The following CALN1 variants were observed in gnomAD, a reference collection of about 807,000 sequenced individuals.
CALN1 encodes calcium-binding protein 8.
A neutral mutation model predicts 30.6 loss-of-function variants in CALN1; 17 were observed. The observed-to-expected ratio is 0.56, with a 90% CI of 0.38 to 0.83. The LOEUF (loss-of-function observed/expected upper bound fraction) is 0.83. Ranked by LOEUF, CALN1 falls within the 40% of genes least tolerant of loss-of-function variation. The probability of loss-of-function intolerance (pLI) is 0.00; values close to 1 mark genes in which losing one functional copy is unlikely to be tolerated. For missense variants in CALN1, 291 were observed against 354.9 expected, an observed-to-expected ratio of 0.82 and a Z score of 1.45; for synonymous variants, 156 against 131.4, an observed-to-expected ratio of 1.19 and a Z score of -1.28.
chr7:72,302,826 C>T (rs747659486), intron 2 of CALN1, among the ~76,000 whole-genome samples: 9 of 127,966 alleles, frequency 7.0e-5, no homozygotes, highest in Non-Finnish European at 9.4e-5. Flanking sequence ...GCCCAGGAGG[C>T]GGCGGATGTT....
chr7:71,851,342 C>T (rs560026415), intron 5 of CALN1, among the ~76,000 whole-genome samples: 4 of 141,606 alleles, frequency 2.8e-5, no homozygotes, highest in African/African-American at 7.7e-5. Context: ...ATGCCAAAAC[C>T]CCATCTCTAC....
Position 72,271,575 on chromosome 7 carries a change from A to AAAAAATATATATATAT in CALN1, c.244+7110_244+7111insATATATATATATTTTT. On this transcript the variant is annotated intron_variant, in intron 3 of 6. Coordinates refer to ENST00000395275, the MANE Select transcript of CALN1 (RefSeq NM_031468.4). ...CTGTGCCTGCCTTTTAAAAAAAAAA[A>AAAAAATATATATATAT]ATATATATATATATATATAGTTTTC... Among the ~76,000 whole-genome samples, 351 of 52,084 alleles carry AAAAAATATATATATAT rather than the reference A, an allele frequency of 6.7e-3. 28 individuals carry two copies. Among genetic ancestry groups the AAAAAATATATATATAT allele is most frequent in the African/African-American group, 0.038 (281 of 7,424 alleles). 34.2% of individuals were successfully genotyped at this position (52,084 alleles called of 152,430 possible). A position where few individuals can be genotyped will look rare whatever the true frequency, so the allele number is the denominator to read the frequency against.
At chr7:72,240,125 G>A (rs186965078) in intron 3 of CALN1, among the ~76,000 whole-genome samples, 65 of 152,160 alleles carry the variant, frequency 4.3e-4, no homozygotes, top group African/African-American at 1.5e-3. Flanking sequence ...CAGGAGTGTG[G>A]GGGCTACTTT....
chr7:72,080,301 T>G (rs1428748765), intron 4 of CALN1, among the ~76,000 whole-genome samples: 2 of 152,168 alleles, frequency 1.3e-5, no homozygotes, highest in Admixed American at 6.5e-5. Context: ...TTTGGGGAAG[T>G]GGATTTGGCA....
At position 72,386,137 on chromosome 7, in the gene CALN1, G is replaced by A. The variant is rs1383244926; in HGVS notation, c.119+17114C>T. Among the ~76,000 whole-genome samples the A allele has an allele frequency of 7.2e-5, 11 of 152,204 alleles. 1 individual carries two copies. In the South Asian group the frequency reaches 1.4e-3, roughly 20 times the overall value. ...GAGCAGAGGCATTTTTCAGGGCAGTGAAACTATTTTGTATGGAACTGTAAT... is the reference window on the plus strand; with the variant it reads ...GAGCAGAGGCATTTTTCAGGGCAGTAAAACTATTTTGTATGGAACTGTAAT... On this transcript the variant is annotated intron_variant, in intron 2 of 6. Coordinates refer to ENST00000395275, the MANE Select transcript of CALN1 (RefSeq NM_031468.4).
Position 71,972,015 on chromosome 7 carries a change from GA to G in CALN1, c.501+51641del, listed in dbSNP as rs1254925029. Among the ~76,000 whole-genome samples, 418 of 136,562 alleles carry G rather than the reference GA, an allele frequency of 3.1e-3. 2 individuals are homozygous for G. Among genetic ancestry groups the G allele is most frequent in the African/African-American group, 0.011 (408 of 37,086 alleles). The allele number at this position is 136,562 out of a possible 152,430, so 89.6% of individuals were successfully genotyped here. ...AAAGAGAAAGAAAGAAAAAAAGAAA[GA>G]AAAGAAAGAAAGAAAGAAAGACACA... On this transcript the variant is annotated intron_variant, in intron 5 of 6. Transcript: ENST00000395275.
intron 2 of CALN1, among the ~76,000 whole-genome samples, chr7:72,299,330 G>A (rs1340469216): frequency 6.6e-6 from 1 of 152,032 alleles, no homozygotes; most frequent in Non-Finnish European, 1.5e-5. Flanking sequence ...CACTATCCTA[G>A]AAATTCTACT....
At chr7:72,015,351 G>C (rs2129529596) in intron 5 of CALN1, among the ~76,000 whole-genome samples, 1 of 152,216 alleles carries the variant, frequency 6.6e-6, no homozygotes, top group South Asian at 2.1e-4. Context: ...CTGGGCCATA[G>C]GCCTGGAGTT....
chr7:72,089,133 A>G (rs940601074), intron 4 of CALN1, among the ~76,000 whole-genome samples: 79 of 152,310 alleles, frequency 5.2e-4, no homozygotes, highest in Non-Finnish European at 9.4e-4. Flanking sequence ...AATGGGAGGA[A>G]CATATTTATA....
At chr7:72,355,215 G>T (rs1001507723) in intron 2 of CALN1, among the ~76,000 whole-genome samples, 1 of 152,152 alleles carries the variant, frequency 6.6e-6, no homozygotes, top group African/African-American at 2.4e-5. Flanking sequence ...GCCAAAAACT[G>T]CTTAACGAGG....
At chr7:71,803,917 C>T (rs1357576487) in intron 6 of CALN1, among the ~76,000 whole-genome samples, 1 of 148,284 alleles carries the variant, frequency 6.7e-6, no homozygotes, top group African/African-American at 2.5e-5. Context: ...GACTGGCTAA[C>T]TGGAGGGGCT....
chr7:72,050,436 A>T (rs1269455546), intron 4 of CALN1, among the ~76,000 whole-genome samples: 2 of 152,202 alleles, frequency 1.3e-5, no homozygotes, highest in Non-Finnish European at 2.9e-5. Flanking sequence ...TATATGGTAG[A>T]TCGCAAAAAA....
At chr7:72,219,210 C>T (rs1793081509) in intron 3 of CALN1, among the ~76,000 whole-genome samples, 1 of 151,988 alleles carries the variant, frequency 6.6e-6, no homozygotes, top group Non-Finnish European at 1.5e-5. Context: ...GTAACTGAGT[C>T]AAATGCCCGT....
intron 3 of CALN1, among the ~76,000 whole-genome samples, chr7:72,157,586 C>A (rs998338214): frequency 6.6e-6 from 1 of 151,404 alleles, no homozygotes; most frequent in African/African-American, 2.4e-5. Flanking sequence ...AAAAAAAAAA[C>A]AGGGTATTTT....
chr7:72,335,539 C>T (rs575914979), intron 2 of CALN1, among the ~76,000 whole-genome samples: 1 of 152,302 alleles, frequency 6.6e-6, no homozygotes, highest in South Asian at 2.1e-4. Flanking sequence ...TTCCCAGCCA[C>T]ACACAGCCGG....
chr7:72,339,999 T>C (rs73362932), intron 2 of CALN1, among the ~76,000 whole-genome samples: 32,806 of 151,940 alleles, frequency 0.22, 4,682 homozygotes, highest in East Asian at 0.4. Flanking sequence ...CATCTTAGTG[T>C]CCTTCAGTTG....
intron 5 of CALN1, among the ~76,000 whole-genome samples, chr7:71,850,279 ATT>A (rs1195987198): frequency 2.6e-5 from 4 of 152,158 alleles, no homozygotes; most frequent in African/African-American, 9.7e-5. Context: ...GCAGTGGCAC[ATT>A]CTCGGCTCAC....
chr7:71,807,240 A>C (rs150111286), intron 6 of CALN1, among the ~76,000 whole-genome samples: 2 of 152,308 alleles, frequency 1.3e-5, no homozygotes, highest in East Asian at 3.9e-4. Flanking sequence ...TGGGAGCAAT[A>C]TGGAAGCAAA....
rs916281012 is a variant in CALN1, at chr7:72,255,418, ATTG to A, written c.244+23265_244+23267del. Among the ~76,000 whole-genome samples the A allele has an allele frequency of 3.9e-5, 5 of 128,914 alleles. No individual in the cohort carries two copies. The East Asian group carries it at 9.5e-4, about 25-fold the overall frequency. The allele number at this position is 128,914 out of a possible 152,430, so 84.6% of individuals were successfully genotyped here. ...TCTTTTCTTTTCTTTTTTTATTATT[ATTG>A]TTATTTTTTTTGAGATGGAATCTCG... On this transcript the variant is annotated intron_variant, in intron 3 of 6. Coordinates refer to ENST00000395275, the MANE Select transcript of CALN1 (RefSeq NM_031468.4).
Sources: gnomAD v4.1 joint callset for allele counts (sites outside exome capture counted in the v4.1 genomes callset) on GRCh38, gnomAD v4.1.1 for gene constraint, MANE v1.5 for transcripts, NCBI Gene and HGNC (gene_info 2026-07-23, HGNC 2026-07-21) for gene names.